EXOC2: variants seen among roughly 807,000 people sequenced by gnomAD.
EXOC2 encodes exocyst complex component 2.
A neutral mutation model predicts 131.8 loss-of-function variants in EXOC2; 70 were observed. That is an observed-to-expected ratio of 0.53 (90% confidence interval 0.44 to 0.65). The LOEUF (loss-of-function observed/expected upper bound fraction) is 0.65. Ranked by LOEUF, EXOC2 falls within the 30% of genes least tolerant of loss-of-function variation. EXOC2 has a pLI of 0.00. For synonymous variants in EXOC2, 411 were observed against 398.4 expected (o/e 1.03, Z -0.38); for missense variants, 923 against 1,108.6 (o/e 0.83, Z 2.38).
At chr6:510,402 A>G (rs1419497078) in intron 23 of EXOC2, among the ~76,000 whole-genome samples, 1 of 151,890 alleles carries the variant, frequency 6.6e-6, no homozygotes, top group South Asian at 2.1e-4. Context: ...TGCTTTCATC[A>G]GTAGGATCTC....
chr6:680,495 T>C (rs1041593291), intron 1 of EXOC2, among the ~76,000 whole-genome samples: 1 of 152,196 alleles, frequency 6.6e-6, no homozygotes, highest in Admixed American at 6.5e-5. Context: ...TATTTTTACA[T>C]TGCCTTCCCT....
At chr6:638,734 A>G (rs1478464433) in intron 1 of EXOC2, among the ~76,000 whole-genome samples, 1 of 152,184 alleles carries the variant, frequency 6.6e-6, no homozygotes, top group Non-Finnish European at 1.5e-5. Context: ...GTTTGAGACC[A>G]GCCTGACCAA....
intron 7 of EXOC2, among the ~76,000 whole-genome samples, chr6:604,667 C>T (rs1467026180): frequency 6.6e-6 from 1 of 151,238 alleles, no homozygotes; most frequent in African/African-American, 2.4e-5. Context: ...CACACTGGAC[C>T]CTGCTTCCTG....
intron 23 of EXOC2, among the ~76,000 whole-genome samples, chr6:522,897 T>C (rs778167833): frequency 1.3e-5 from 2 of 152,204 alleles, no homozygotes; most frequent in Non-Finnish European, 2.9e-5. Flanking sequence ...TATGAAGAGA[T>C]GAGGCTTCAG....
Position 637,854 on chromosome 6 carries a change from G to C in EXOC2, c.-36C>G, listed in dbSNP as rs777998405. 14 of 1,579,330 alleles carry C rather than the reference G, an allele frequency of 8.9e-6. No homozygotes were observed. Among genetic ancestry groups the C allele is most frequent in the Non-Finnish European group, 1.2e-5 (14 of 1,152,072 alleles). On this transcript the variant is annotated 5_prime_UTR_variant, in exon 2 of 28. Coordinates refer to ENST00000230449, the MANE Select transcript of EXOC2 (RefSeq NM_018303.6). ...GGAGCAAACTGGTGATCCTGTTAGA[G>C]AAGTAATCTGTTAAAAGAGAAAGAA...
At chr6:578,447 C>CA (rs939005402) in intron 11 of EXOC2, among the ~76,000 whole-genome samples, 7 of 151,786 alleles carry the variant, frequency 4.6e-5, no homozygotes, top group African/African-American at 1.2e-4. Context: ...AAAACTATAG[C>CA]AAAAAAACGC....
At chr6:660,902 A>G (rs1393869196) in intron 1 of EXOC2, among the ~76,000 whole-genome samples, 1 of 152,244 alleles carries the variant, frequency 6.6e-6, no homozygotes, top group Non-Finnish European at 1.5e-5. Flanking sequence ...AATCAAATAA[A>G]CAATACAAAA....
At chr6:563,636 T>G (rs1757815081) in intron 16 of EXOC2, among the ~76,000 whole-genome samples, 1 of 152,190 alleles carries the variant, frequency 6.6e-6, no homozygotes, top group Admixed American at 6.5e-5. Flanking sequence ...ATTTCTGGAA[T>G]CCAGAGAACC....
chr6:672,118 A>G (rs1763903203), intron 1 of EXOC2, among the ~76,000 whole-genome samples: 1 of 151,052 alleles, frequency 6.6e-6, no homozygotes, highest in Admixed American at 6.6e-5. Flanking sequence ...GTTCCATTCC[A>G]TTTTCTTCCA....
At chr6:491,226 T>C in intron 25 of EXOC2, 40 bp from the exon 26 acceptor site, 6 of 1,603,552 alleles carry the variant, frequency 3.7e-6, no homozygotes, top group East Asian at 2.2e-5. Context: ...CAGGAAAATT[T>C]ATATTATCAA....
intron 22 of EXOC2, among the ~76,000 whole-genome samples, chr6:540,491 C>T (rs1254366062): frequency 2.0e-5 from 3 of 152,144 alleles, no homozygotes; most frequent in Admixed American, 6.5e-5. Flanking sequence ...TAACAAAAAA[C>T]AAAGTTTCTG....
At position 619,560 on chromosome 6, in the gene EXOC2, T is replaced by C. The variant is rs1480310612; in HGVS notation, c.423-17A>G. 1 of 1,564,524 alleles carries C rather than the reference T, an allele frequency of 6.4e-7. No homozygotes were observed. Among genetic ancestry groups the C allele is most frequent in the Non-Finnish European group, 8.8e-7 (1 of 1,135,230 alleles). On this transcript the variant is annotated splice_polypyrimidine_tract_variant and intron_variant, in intron 4 of 27. Transcript: ENST00000230449. The stretch of plus-strand genomic sequence containing the variant: ...AATTTACTTCTGAGGGGAAAAAACG[T>C]TTAAAATATATTTCAATGGTTATTA...
rs75640367 is a variant in EXOC2, at chr6:565,257, C to T, written c.1444-328G>A. Among the ~76,000 whole-genome samples, 451 of 152,324 alleles carry T rather than the reference C, an allele frequency of 3.0e-3. 5 individuals are homozygous for T. Among genetic ancestry groups the T allele is most frequent in the African/African-American group, 9.4e-3 (389 of 41,574 alleles). ...TATGGTTAAACCATCAGGTATCATA[C>T]CCACGACAACACTGTCAACATCATT... is the stretch of plus-strand genomic sequence containing the variant. On this transcript the variant is annotated intron_variant, in intron 13 of 27. Coordinates refer to ENST00000230449, the MANE Select transcript of EXOC2 (RefSeq NM_018303.6).
intron 1 of EXOC2, among the ~76,000 whole-genome samples, chr6:643,676 G>A (rs1762458234): frequency 6.6e-6 from 1 of 151,726 alleles, no homozygotes; most frequent in Non-Finnish European, 1.5e-5. Flanking sequence ...GCAGGAAAAG[G>A]AAGCAGAATG....
intron 4 of EXOC2, among the ~76,000 whole-genome samples, chr6:622,145 A>G (rs1436522808): frequency 6.6e-6 from 1 of 152,252 alleles, no homozygotes; most frequent in Non-Finnish European, 1.5e-5. Flanking sequence ...CGCGGGCAGA[A>G]GTCATGGTGG....
In EXOC2 at chr6:576,902, T is replaced by C. The variant is rs708038; in HGVS notation, c.1193-20A>G. 0.25 allele frequency: 405,478 copies of C among 1,609,402 alleles called. 52,702 individuals are homozygous for C. Among genetic ancestry groups the C allele is most frequent in the African/African-American group, 0.28 (20,929 of 74,804 alleles). ...GGTTACCTGGGGAAGAAAGGAGAGA[T>C]ATACAGAGTATATAGCATGCTCTAT... On this transcript the variant is annotated intron_variant, in intron 11 of 27. Coordinates refer to ENST00000230449, the MANE Select transcript of EXOC2 (RefSeq NM_018303.6).
intron 11 of EXOC2, among the ~76,000 whole-genome samples, chr6:581,188 C>T (rs771235557): frequency 2.0e-5 from 3 of 151,348 alleles, no homozygotes; most frequent in African/African-American, 7.3e-5. Context: ...CCCAGCTACT[C>T]GAGAGGCTGA....
intron 3 of EXOC2, 101 bp from the exon 4 acceptor site, chr6:630,062 G>T: frequency 7.4e-7 from 1 of 1,346,568 alleles, no homozygotes; most frequent in South Asian, 1.7e-5. Flanking sequence ...AATACAAAAT[G>T]CCTGTTGGAT....
chr6:651,085 G>C (rs867742280), intron 1 of EXOC2, among the ~76,000 whole-genome samples: 1 of 150,568 alleles, frequency 6.6e-6, no homozygotes, highest in African/African-American at 2.4e-5. Flanking sequence ...CTGGAGGGCA[G>C]TAGCGTGTGA....
Sources: gnomAD v4.1 joint callset for allele counts (sites outside exome capture counted in the v4.1 genomes callset) on GRCh38, gnomAD v4.1.1 for gene constraint, MANE v1.5 for transcripts, NCBI Gene and HGNC (gene_info 2026-07-23, HGNC 2026-07-21) for gene names.